Variants in ETV1 observed in about 807,000 individuals in gnomAD.
ETV1 encodes ETS translocation variant 1.
In ETV1, 27 loss-of-function variants were observed where a neutral mutation model predicts 62.3. The observed-to-expected ratio is 0.43, with a 90% CI of 0.32 to 0.60. ETV1 has a LOEUF of 0.60. Among genes scored for constraint, ETV1 ranks in the 20% least tolerant of loss-of-function variants. The pLI is 0.06. For missense variants in ETV1, 605 were observed against 605.8 expected (o/e 1.00, Z 0.01); for synonymous variants, 222 against 199.6 (o/e 1.11, Z -0.94).
rs371758188 is a variant in ETV1, at chr7:13,962,117, T to C, written c.235+15310A>G. Among the ~76,000 whole-genome samples the C allele has an allele frequency of 3.3e-5, 5 of 151,922 alleles. No individual in the cohort carries two copies. In the East Asian group the frequency reaches 7.7e-4, roughly 23 times the overall value. On this transcript the variant is annotated intron_variant, in intron 6 of 13. Transcript: ENST00000430479. ...TGTATATACAGAATAAAAGCTTATA[T>C]AGTATGTTCCATGTGCCAAATATAT...
intron 13 of ETV1, among the ~76,000 whole-genome samples, chr7:13,897,016 A>G (rs1005710169): frequency 6.6e-6 from 1 of 152,200 alleles, no homozygotes; most frequent in African/African-American, 2.4e-5. Flanking sequence ...AAGAAGTAGC[A>G]TAATTTATAG....
At chr7:13,953,412 A>G (rs1345848897) in intron 6 of ETV1, among the ~76,000 whole-genome samples, 4 of 152,164 alleles carry the variant, frequency 2.6e-5, no homozygotes, top group Non-Finnish European at 5.9e-5. Flanking sequence ...AAAAATAAAA[A>G]TCTCTTCTCT....
chr7:13,931,667 G>T lies in ETV1; in HGVS notation c.637C>A (p.Arg213Ser), dbSNP rs772105404. 1.2e-6 allele frequency: 2 copies of T among 1,613,912 alleles called. No homozygotes were observed. The highest frequency in any genetic ancestry group is 1.7e-6 in the Non-Finnish European group (2 of 1,179,860). The change falls in exon 9 of 14, where the codon CGC becomes AGC. Residue 213 changes from arginine to serine, a missense_variant. Arg to Ser is a moderately radical substitution (Grantham distance 110). Coordinates refer to ENST00000430479, the MANE Select transcript of ETV1 (RefSeq NM_004956.5). ...GGGATGTTTGGCTCAGACATCTGGC[G>T]TTGGTACATAGGACGTCCTTCCCTT... Reference protein sequence around the residue: ...MPREGRPMYQRQMSEPNIPFP... With the variant: ...MPREGRPMYQSQMSEPNIPFP...
rs10260311 is a variant in ETV1, at chr7:13,920,776, C to G, written c.803-9469G>C. ...CATATTTAAGTATTTCTTAGAAAAA[C>G]TGATATAGTGGGCCAGAGTACTGAT... On this transcript the variant is annotated intron_variant, in intron 9 of 13. Coordinates refer to ENST00000430479, the MANE Select transcript of ETV1 (RefSeq NM_004956.5). 6.0e-3 allele frequency among the ~76,000 whole-genome samples: 910 copies of G among 152,258 alleles called. 5 individuals carry two copies. The highest frequency in any genetic ancestry group is 0.018 in the African/African-American group (758 of 41,558).
At chr7:13,954,645 T>G (rs777265323) in intron 6 of ETV1, among the ~76,000 whole-genome samples, 1 of 152,192 alleles carries the variant, frequency 6.6e-6, no homozygotes, top group Non-Finnish European at 1.5e-5. Context: ...CCAGTCTGTA[T>G]GTAAAAAGGA....
At chr7:13,915,731 T>C (rs1784082076) in intron 9 of ETV1, among the ~76,000 whole-genome samples, 1 of 152,148 alleles carries the variant, frequency 6.6e-6, no homozygotes, top group African/African-American at 2.4e-5. Flanking sequence ...TCATAAAGTT[T>C]CCTAGAATGA....
At chr7:13,976,499 T>C (rs940199711) in intron 6 of ETV1, among the ~76,000 whole-genome samples, 1 of 152,180 alleles carries the variant, frequency 6.6e-6, no homozygotes, top group African/African-American at 2.4e-5. Flanking sequence ...CAAACATAAA[T>C]GCTGAAAACA....
chr7:13,940,975 T>C (rs1787434914), intron 6 of ETV1, among the ~76,000 whole-genome samples: 1 of 152,162 alleles, frequency 6.6e-6, no homozygotes, highest in African/African-American at 2.4e-5. Context: ...AATAATAAAA[T>C]AATTACCCTT....
In ETV1 at chr7:13,893,497, G is replaced by T. The variant is rs1307767753; in HGVS notation, c.*2369C>A. 1.3e-5 allele frequency: 3 copies of T among 231,232 alleles called. No homozygotes were observed. The Admixed American group carries it at 1.7e-4, about 13-fold the overall frequency. The allele number at this position is 231,232 out of a possible 1,614,324, so 14.3% of individuals were successfully genotyped here. ...GTTAAAACAGCAAAACATATAGTTT[G>T]TCCTTAAATATTATATAACTAATAC... On this transcript the variant is annotated 3_prime_UTR_variant, in exon 14 of 14. Coordinates refer to ENST00000430479, the MANE Select transcript of ETV1 (RefSeq NM_004956.5).
At position 13,989,344 on chromosome 7, in the gene ETV1, G is replaced by A. The variant is rs1337010550; in HGVS notation, c.-164C>T. On this transcript the variant is annotated 5_prime_UTR_variant, in exon 2 of 14. Transcript: ENST00000430479. ...AGCAAAAATCCGAACAAGAGGCGAT[G>A]TATTTATTTACACTCTCGATGTTTC... is the stretch of plus-strand genomic sequence containing the variant. 9.8e-6 allele frequency: 5 copies of A among 507,658 alleles called. No individual in the cohort carries two copies. The Admixed American group carries it at 1.1e-4, about 11-fold the overall frequency. The allele number at this position is 507,658 out of a possible 1,614,324, so 31.4% of individuals were successfully genotyped here. A position where few individuals can be genotyped will look rare whatever the true frequency, so the allele number is the denominator to read the frequency against.
upstream of ETV1, chr7:13,990,494 A>G (rs41505): frequency 0.32 from 48,202 of 152,132 alleles, 7,764 homozygotes; most frequent in East Asian, 0.48. Flanking sequence ...TATATCCTAG[A>G]ACCCGCACGT....
intron 5 of ETV1, among the ~76,000 whole-genome samples, chr7:13,979,074 G>A (rs1325728440): frequency 1.3e-5 from 2 of 152,040 alleles, no homozygotes. Context: ...ATCTGATACT[G>A]TGGGTAACAA....
chr7:13,983,261 C>T, intron 5 of ETV1, among the ~76,000 whole-genome samples: 1 of 152,004 alleles, frequency 6.6e-6, no homozygotes, highest in East Asian at 1.9e-4. Flanking sequence ...TACACATTTA[C>T]ATCAGATATA....
intron 13 of ETV1, among the ~76,000 whole-genome samples, chr7:13,897,733 A>T (rs1408782115): frequency 1.3e-5 from 2 of 152,214 alleles, no homozygotes; most frequent in Non-Finnish European, 2.9e-5. Flanking sequence ...AAATGACCAT[A>T]AACATAAAAA....
At position 13,955,345 on chromosome 7, in the gene ETV1, T is replaced by C. The variant is rs370882812; in HGVS notation, c.236-16099A>G. 9.8e-5 allele frequency among the ~76,000 whole-genome samples: 15 copies of C among 152,308 alleles called. No individual in the cohort carries two copies. The East Asian group carries it at 2.9e-3, about 29-fold the overall frequency. On this transcript the variant is annotated intron_variant, in intron 6 of 13. Coordinates refer to ENST00000430479, the MANE Select transcript of ETV1 (RefSeq NM_004956.5). ...CCCCCTCAAAATAAGGGGAGATGTATGACATACAAAAGTAAAGACTGTGAT... is the reference window on the plus strand; with the variant it reads ...CCCCCTCAAAATAAGGGGAGATGTACGACATACAAAAGTAAAGACTGTGAT...
intron 6 of ETV1, among the ~76,000 whole-genome samples, chr7:13,960,049 T>C (rs996084020): frequency 6.6e-6 from 1 of 151,884 alleles, no homozygotes; most frequent in African/African-American, 2.4e-5. Flanking sequence ...CACAGATCTG[T>C]AATGTATTTG....
At chr7:13,906,634 C>A in intron 11 of ETV1, 35 bp from the exon 12 acceptor site, 1 of 1,459,484 alleles carries the variant, frequency 6.9e-7, no homozygotes, top group Non-Finnish European at 9.3e-7. Flanking sequence ...CTATTATTAG[C>A]AATACTATGC....
intron 8 of ETV1, 24 bp from the exon 9 acceptor site, chr7:13,931,773 C>T: frequency 6.2e-7 from 1 of 1,609,606 alleles, no homozygotes; most frequent in Non-Finnish European, 8.5e-7. Flanking sequence ...GAGTGTGTTT[C>T]AGATGAAACG....
At chr7:13,903,276 A>G (rs991101291) in intron 12 of ETV1, among the ~76,000 whole-genome samples, 1 of 152,214 alleles carries the variant, frequency 6.6e-6, no homozygotes, top group African/African-American at 2.4e-5. Context: ...CAAATAAATT[A>G]AATAAGATAA....
Sources: gnomAD v4.1 joint callset for allele counts (sites outside exome capture counted in the v4.1 genomes callset) on GRCh38, gnomAD v4.1.1 for gene constraint, MANE v1.5 for transcripts, NCBI Gene and HGNC (gene_info 2026-07-23, HGNC 2026-07-21) for gene names.